Variants in TTC39B observed in about 807,000 individuals in gnomAD.
TTC39B encodes the protein tetratricopeptide repeat protein 39B.
In TTC39B, 92 loss-of-function variants were observed where a neutral mutation model predicts 96.6. That is an observed-to-expected ratio of 0.95 (90% CI 0.80 to 1.13). The LOEUF (loss-of-function observed/expected upper bound fraction) is 1.13, where lower values mean the gene tolerates loss of function less well. TTC39B is among the 50% of genes most tolerant of loss of function. TTC39B has a pLI of 0.00. For synonymous variants in TTC39B, 367 were observed against 299.4 expected, an observed-to-expected ratio of 1.23 and a Z score of -2.33; for missense variants, 955 against 809.3, an observed-to-expected ratio of 1.18 and a Z score of -2.18.
chr9:15,206,405 C>A (rs1819859058), intron 6 of TTC39B, among the ~76,000 whole-genome samples: 1 of 152,168 alleles, frequency 6.6e-6, no homozygotes, highest in Non-Finnish European at 1.5e-5. Context: ...TTGACATGCT[C>A]CCTTGAACAC....
At chr9:15,221,596 G>C (rs1293536368) in intron 3 of TTC39B, among the ~76,000 whole-genome samples, 2 of 152,144 alleles carry the variant, frequency 1.3e-5, no homozygotes, top group African/African-American at 4.8e-5. Context: ...TCAGAACTGA[G>C]GCCTTGGGTG....
intron 1 of TTC39B, among the ~76,000 whole-genome samples, chr9:15,273,434 G>C (rs533889762): frequency 1.3e-5 from 2 of 152,066 alleles, no homozygotes; most frequent in African/African-American, 4.8e-5. Flanking sequence ...AAGCTGTATC[G>C]CTTCTCTAGA....
chr9:15,240,499 G>GT (rs139202786), intron 2 of TTC39B, among the ~76,000 whole-genome samples: 30 of 149,416 alleles, frequency 2.0e-4, no homozygotes, highest in Middle Eastern at 3.4e-3. Flanking sequence ...ACTTTTCAAT[G>GT]TTTTTTTTTC....
rs189952443 is a variant in TTC39B, at chr9:15,294,995, G to A, written c.240+12089C>T. On this transcript the variant is annotated intron_variant, in intron 1 of 19. Coordinates refer to ENST00000512701, the Ensembl canonical transcript of TTC39B. Reference sequence around the variant, plus strand: ...CAGGGATTCAAGCCCACGTCCAACTGACTCCAGAACTTACAACCAAACCAA... The same window carrying A: ...CAGGGATTCAAGCCCACGTCCAACTAACTCCAGAACTTACAACCAAACCAA... Among the ~76,000 whole-genome samples, 37 of 152,308 alleles carry A rather than the reference G, an allele frequency of 2.4e-4. 1 individual carries two copies. Among genetic ancestry groups the A allele is most frequent in the Admixed American group, 1.9e-3 (29 of 15,306 alleles).
intron 8 of TTC39B, among the ~76,000 whole-genome samples, chr9:15,194,652 C>T (rs1290473206): frequency 6.6e-6 from 1 of 152,170 alleles, no homozygotes; most frequent in African/African-American, 2.4e-5. Context: ...AATATGTGCT[C>T]ACTTTGTGTT....
At chr9:15,284,348 A>G (rs1053511084) in intron 1 of TTC39B, among the ~76,000 whole-genome samples, 7 of 152,234 alleles carry the variant, frequency 4.6e-5, no homozygotes, top group Non-Finnish European at 8.8e-5. Context: ...AAATTTAAAC[A>G]CACATACATT....
At chr9:15,263,819 T>A (rs2131541756) in intron 2 of TTC39B, among the ~76,000 whole-genome samples, 1 of 152,266 alleles carries the variant, frequency 6.6e-6, no homozygotes, top group South Asian at 2.1e-4. Context: ...TATAATGTGT[T>A]GCTATAACCA....
intron 18 of TTC39B, 76 bp downstream of exon 18, chr9:15,177,621 T>C: frequency 2.1e-6 from 2 of 966,694 alleles, no homozygotes; most frequent in Non-Finnish European, 3.2e-6. Flanking sequence ...GATAAAAGCA[T>C]TTTGCATCAC....
intron 2 of TTC39B, among the ~76,000 whole-genome samples, chr9:15,228,336 T>C (rs1367320386): frequency 6.6e-6 from 1 of 152,056 alleles, no homozygotes; most frequent in Non-Finnish European, 1.5e-5. Flanking sequence ...TGGTGGTGGG[T>C]GCCTGTAATC....
At position 15,177,341 on chromosome 9, in the gene TTC39B, A is replaced by G. The variant is rs370380479; in HGVS notation, c.1841+356T>C. 2.8e-3 allele frequency among the ~76,000 whole-genome samples: 422 copies of G among 152,328 alleles called. 18 individuals carry two copies. The South Asian group carries it at 0.054, about 20-fold the overall frequency. On this transcript the variant is annotated intron_variant, in intron 18 of 19. Coordinates refer to ENST00000512701, the Ensembl canonical transcript of TTC39B. ...AAGGAAAGTCTCCCATCTCTTAAAAAAAAAGAAAAGAAAAGAAAAACTAAA... is the reference window on the plus strand; with the variant it reads ...AAGGAAAGTCTCCCATCTCTTAAAAGAAAAGAAAAGAAAAGAAAAACTAAA...
chr9:15,222,048 T>C (rs1050397910), intron 3 of TTC39B, among the ~76,000 whole-genome samples: 1 of 152,200 alleles, frequency 6.6e-6, no homozygotes, highest in African/African-American at 2.4e-5. Flanking sequence ...GTAACGTAAG[T>C]ACAGTCAGAA....
chr9:15,177,777 C>G, exon 18 of TTC39B: 1 of 1,612,060 alleles, frequency 6.2e-7, no homozygotes, highest in Non-Finnish European at 8.5e-7. Flanking sequence ...TAAGTAACTT[C>G]ACTAAGCACT....
At position 15,250,888 on chromosome 9, in the gene TTC39B, A is replaced by T. The variant is rs551691946; in HGVS notation, c.275+17026T>A. ...AACGTTTTTAGTATAGGACTCACTA[A>T]TTTTTCTAATTATAAAAGTAATACC... is the stretch of plus-strand genomic sequence containing the variant. On this transcript the variant is annotated intron_variant, in intron 2 of 19. Transcript: ENST00000512701. Among the ~76,000 whole-genome samples the T allele has an allele frequency of 5.9e-5, 9 of 152,272 alleles. No individual in the cohort carries two copies. In the East Asian group the frequency reaches 1.7e-3, roughly 29 times the overall value.
intron 2 of TTC39B, among the ~76,000 whole-genome samples, chr9:15,256,958 T>C (rs10961939): frequency 0.16 from 24,974 of 152,068 alleles, 2,405 homozygotes; most frequent in African/African-American, 0.27. Flanking sequence ...AGCAGTGACA[T>C]CATCCCATTT....
exon 1 of TTC39B, chr9:15,307,198 G>C (rs1460710671): frequency 6.4e-7 from 1 of 1,568,640 alleles, no homozygotes; most frequent in African/African-American, 1.4e-5. Context: ...TCGGCTCTGG[G>C]CTCAGCCCAG....
chr9:15,172,192 CTACT>C (rs1167786236), intron 19 of TTC39B, 83 bp from the exon 20 acceptor site: 3 of 912,364 alleles, frequency 3.3e-6, no homozygotes, highest in African/African-American at 1.7e-5. Context: ...TCTCTCTGAT[CTACT>C]TACTTACTTT....
chr9:15,222,972 G>A (rs2131393645), intron 3 of TTC39B, among the ~76,000 whole-genome samples: 1 of 152,276 alleles, frequency 6.6e-6, no homozygotes, highest in Admixed American at 6.5e-5. Flanking sequence ...CAAAGCTCTG[G>A]CCAGGGTGCA....
intron 2 of TTC39B, among the ~76,000 whole-genome samples, chr9:15,267,316 T>C (rs1038496840): frequency 6.6e-6 from 1 of 152,254 alleles, no homozygotes; most frequent in Non-Finnish European, 1.5e-5. Flanking sequence ...GGAAGGCAAT[T>C]AGAGATATAC....
rs1034371143 is a variant in TTC39B, at chr9:15,263,594, G to A, written c.275+4320C>T. 4.6e-5 allele frequency among the ~76,000 whole-genome samples: 7 copies of A among 152,072 alleles called. No homozygotes were observed. The East Asian group carries it at 9.6e-4, about 21-fold the overall frequency. On this transcript the variant is annotated intron_variant, in intron 2 of 19. Coordinates refer to ENST00000512701, the Ensembl canonical transcript of TTC39B. Reference sequence around the variant, plus strand: ...TGTCATCACCAACAAGCTCTGCTTCGGAAACAACCCCCCTTACAATACCTC... The same window carrying A: ...TGTCATCACCAACAAGCTCTGCTTCAGAAACAACCCCCCTTACAATACCTC...
Sources: allele counts gnomAD v4.1 joint callset (sites outside exome capture counted in the v4.1 genomes callset), GRCh38; gene constraint gnomAD v4.1.1; transcripts MANE v1.5; gene names NCBI Gene and HGNC (gene_info 2026-07-23, HGNC 2026-07-21).